Variants in PCDHGA8 observed in about 807,000 individuals in gnomAD.
The protein encoded by PCDHGA8 is protocadherin gamma-A8.
Under a neutral mutation model 59.2 loss-of-function variants are expected in PCDHGA8, and 45 were observed. That is an observed-to-expected ratio of 0.76 (90% confidence interval 0.60 to 0.98). The LOEUF (loss-of-function observed/expected upper bound fraction) is 0.98, where lower values mean the gene tolerates loss of function less well. Among genes scored for constraint, PCDHGA8 ranks in the 50% least tolerant of loss-of-function variants. PCDHGA8 has a pLI of 0.00. For synonymous variants in PCDHGA8, 531 were observed against 519.0 expected (o/e 1.02, Z -0.32); for missense variants, 1,257 against 1,196.2 (o/e 1.05, Z -0.75).
chr5:141,415,529 G>C, intron 1 of PCDHGA8: 1 of 1,614,184 alleles, frequency 6.2e-7, no homozygotes, highest in South Asian at 1.1e-5. Context: ...ACGCTCATCA[G>C]CCAGGAGAGC....
At position 141,410,204 on chromosome 5, in the gene PCDHGA8, T is replaced by C. The variant is rs1212919717; in HGVS notation, c.2424+14967T>C. 11 of 1,613,954 alleles carry C rather than the reference T, an allele frequency of 6.8e-6. No homozygotes were observed. In the South Asian group the frequency reaches 9.9e-5, roughly 14 times the overall value. Reference sequence around the variant, plus strand: ...GCTTCATCTGGTCTTCGCAGACAACTTGCAAGAGATACTGCCAGACCTCAG... The same window carrying C: ...GCTTCATCTGGTCTTCGCAGACAACCTGCAAGAGATACTGCCAGACCTCAG... On this transcript the variant is annotated intron_variant, in intron 1 of 3. Transcript: ENST00000398604.
At chr5:141,402,910 G>A in intron 1 of PCDHGA8, 2 of 1,549,722 alleles carry the variant, frequency 1.3e-6, no homozygotes, top group Non-Finnish European at 1.7e-6. Context: ...ATGAAGCAGC[G>A]CGCACAGAGA....
At chr5:141,505,505 G>A (rs2099846270) in intron 3 of PCDHGA8, 24 bp downstream of exon 3, 1 of 1,614,132 alleles carries the variant, frequency 6.2e-7, no homozygotes, top group Non-Finnish European at 8.5e-7. Flanking sequence ...GTGTGTGTAT[G>A]GAAGAGTGGG....
At chr5:141,409,217 G>A (rs1394491727) in intron 1 of PCDHGA8, 1 of 1,613,852 alleles carries the variant, frequency 6.2e-7, no homozygotes, top group Non-Finnish European at 8.5e-7. Context: ...AGAAATCCTT[G>A]ATGAAAACGA....
rs190948188 is a variant in PCDHGA8 at position 141,505,972 on chromosome 5, C to T, written c.2572+491C>T. Among the ~76,000 whole-genome samples the T allele has an allele frequency of 5.4e-4, 82 of 152,250 alleles. 1 individual carries two copies. The highest frequency in any genetic ancestry group is 1.9e-3 in the African/African-American group (79 of 41,558). ...GAAAGTGGGTGTAGAAATCCCCAGC[C>T]GAGAGAACACCTCCTCTTTATGCGA... On this transcript the variant is annotated intron_variant, in intron 3 of 3. Transcript: ENST00000398604.
At chr5:141,478,039 G>A (rs764777183) in intron 1 of PCDHGA8, 29 of 1,613,978 alleles carry the variant, frequency 1.8e-5, no homozygotes, top group Non-Finnish European at 2.5e-5. Flanking sequence ...ATTCACCCAG[G>A]CAGACTCTCA....
intron 1 of PCDHGA8, among the ~76,000 whole-genome samples, chr5:141,437,573 G>A (rs923321760): frequency 1.3e-5 from 2 of 152,164 alleles, no homozygotes; most frequent in African/African-American, 4.8e-5. Flanking sequence ...GAGTATAGCT[G>A]TGATCATGAA....
intron 1 of PCDHGA8, among the ~76,000 whole-genome samples, chr5:141,449,680 T>C (rs2098651613): frequency 6.6e-6 from 1 of 151,546 alleles, no homozygotes; most frequent in Admixed American, 6.6e-5. Flanking sequence ...TATGTATATA[T>C]GTTTGTGTGT....
chr5:141,470,658 G>T lies in PCDHGA8; in HGVS notation c.2425-24149G>T, dbSNP rs527415532. Among the ~76,000 whole-genome samples the T allele has an allele frequency of 4.7e-3, 721 of 152,024 alleles. 9 individuals carry two copies. The highest frequency in any genetic ancestry group is 6.7e-3 in the Non-Finnish European group (452 of 67,944). On this transcript the variant is annotated intron_variant, in intron 1 of 3. Transcript: ENST00000398604. ...CTTGCTTTGAAGGCCCCTACCCTTT[G>T]GTTAGGGCTCTGCTGTTACCATCTT... is the stretch of plus-strand genomic sequence containing the variant.
chr5:141,481,658 T>C (rs910422064), intron 1 of PCDHGA8, among the ~76,000 whole-genome samples: 2 of 150,554 alleles, frequency 1.3e-5, no homozygotes, highest in East Asian at 2.0e-4. Context: ...TCTCTACTAA[T>C]AATACAAAAA....
At chr5:141,403,102 G>T (rs765706858) in intron 1 of PCDHGA8, 1 of 1,614,046 alleles carries the variant, frequency 6.2e-7, no homozygotes, top group Admixed American at 1.7e-5. Context: ...ACATCTCCAA[G>T]GACCTGGCTC....
chr5:141,485,744 G>T lies in PCDHGA8; in HGVS notation c.2425-9063G>T. 1 of 1,614,226 alleles carries T rather than the reference G, an allele frequency of 6.2e-7. No individual in the cohort carries two copies. Among genetic ancestry groups the T allele is most frequent in the Non-Finnish European group, 8.5e-7 (1 of 1,180,038 alleles). On this transcript the variant is annotated intron_variant, in intron 1 of 3. Transcript: ENST00000398604. The surrounding 1 kb of genome is among the most constrained non-coding windows in gnomAD (Gnocchi z 5.7). ...GAAGAAGCGCAGCGACGGCAGCCTG[G>T]TCCCAGAGCTGCTCCTGGAGAAGCC...
At position 141,511,871 on chromosome 5, in the gene PCDHGA8, A is replaced by T. The variant is rs1306732557; in HGVS notation, c.*698A>T. On this transcript the variant is annotated 3_prime_UTR_variant, in exon 4 of 4. Coordinates refer to ENST00000398604, the MANE Select transcript of PCDHGA8 (RefSeq NM_032088.2). ...TTGTTTTTCATTGTTTGACGTTTCCACTGCATGCCTTGACTTCCCCCACCT... is the reference window on the plus strand; with the variant it reads ...TTGTTTTTCATTGTTTGACGTTTCCTCTGCATGCCTTGACTTCCCCCACCT... 1 of 156,376 alleles carries T rather than the reference A, an allele frequency of 6.4e-6. No homozygotes were observed. The highest frequency in any genetic ancestry group is 1.9e-4 in the East Asian group (1 of 5,268). 9.7% of individuals were successfully genotyped at this position (156,376 alleles called of 1,614,324 possible).
rs145569377 is a variant in PCDHGA8 at position 141,455,860 on chromosome 5, ATTATTTATTTATTTATTTATTTATTTAT to A, written c.2425-38920_2425-38893del. Among the ~76,000 whole-genome samples the A allele has an allele frequency of 5.0e-5, 7 of 139,848 alleles. No individual in the cohort carries two copies. The South Asian group carries it at 9.2e-4, about 18-fold the overall frequency. 91.7% of individuals were successfully genotyped at this position (139,848 alleles called of 152,430 possible). On this transcript the variant is annotated intron_variant, in intron 1 of 3. Transcript: ENST00000398604. ...CTATCTGCATAAAATAATTTCTTTT[ATTATTTATTTATTTATTTATTTATTTAT>A]TTATTTATTTATTTATTTATTTATT...
intron 1 of PCDHGA8, among the ~76,000 whole-genome samples, chr5:141,420,701 T>C (rs371823252): frequency 7.2e-5 from 11 of 152,226 alleles, no homozygotes; most frequent in Admixed American, 5.9e-4. Flanking sequence ...TATTTCCACT[T>C]CCAGAAATGT....
At chr5:141,418,563 C>T in intron 1 of PCDHGA8, 2 of 1,613,998 alleles carry the variant, frequency 1.2e-6, no homozygotes, top group Non-Finnish European at 1.7e-6. Context: ...GTAATAGATG[C>T]CAATGACAAC....
intron 1 of PCDHGA8, among the ~76,000 whole-genome samples, chr5:141,462,027 TG>T (rs1239347302): frequency 6.6e-6 from 1 of 152,220 alleles, no homozygotes; most frequent in African/African-American, 2.4e-5. Flanking sequence ...TTCTTCATGT[TG>T]GTCAGGCGGG....
intron 2 of PCDHGA8, 50 bp from the exon 3 acceptor site, chr5:141,505,343 G>A: frequency 1.9e-6 from 3 of 1,612,934 alleles, no homozygotes; most frequent in Non-Finnish European, 2.5e-6. Flanking sequence ...GGAGGGGCAT[G>A]AGCTGTGCCG....
intron 1 of PCDHGA8, among the ~76,000 whole-genome samples, chr5:141,457,543 A>G (rs555448211): frequency 2.6e-5 from 4 of 152,346 alleles, no homozygotes; most frequent in African/African-American, 9.6e-5. Flanking sequence ...TTAATGACAA[A>G]TGTATGATAA....
Sources: allele counts gnomAD v4.1 joint callset (sites outside exome capture counted in the v4.1 genomes callset), GRCh38; gene constraint gnomAD v4.1.1; non-coding constraint Gnocchi (gnomAD v3.1); transcripts MANE v1.5; gene names NCBI Gene and HGNC (gene_info 2026-07-23, HGNC 2026-07-21).